Variants in ADAMTSL1 observed in about 807,000 individuals in gnomAD.
ADAMTSL1 encodes the protein ADAMTS like 1.
ADAMTSL1 carries 126 observed loss-of-function variants against 201.8 expected under a neutral mutation model. The ratio of observed to expected loss-of-function variants is 0.62; its 90% CI spans 0.54 to 0.72. The LOEUF (loss-of-function observed/expected upper bound fraction) is 0.72, where lower values mean the gene tolerates loss of function less well. Ranked by LOEUF, ADAMTSL1 falls within the 30% of genes least tolerant of loss-of-function variation. The probability of loss-of-function intolerance (pLI) is 0.00; values close to 1 mark genes in which losing one functional copy is unlikely to be tolerated. For missense variants in ADAMTSL1, 2,679 were observed against 2,277.8 expected (o/e 1.18, Z -3.59); for synonymous variants, 1,121 against 903.4 (o/e 1.24, Z -4.32).
At chr9:18,587,482 T>C (rs1029880504) in intron 4 of ADAMTSL1, among the ~76,000 whole-genome samples, 2 of 152,222 alleles carry the variant, frequency 1.3e-5, no homozygotes, top group Non-Finnish European at 2.9e-5. Flanking sequence ...CTTTTCTTTG[T>C]ATGGGGAGCA....
At chr9:18,720,956 T>C (rs1388782030) in intron 14 of ADAMTSL1, among the ~76,000 whole-genome samples, 1 of 152,088 alleles carries the variant, frequency 6.6e-6, no homozygotes, top group Non-Finnish European at 1.5e-5. Context: ...TTATTATGCA[T>C]CTTATTCTCC....
chr9:18,530,593 T>G (rs1248257494), intron 2 of ADAMTSL1, among the ~76,000 whole-genome samples: 3 of 152,218 alleles, frequency 2.0e-5, no homozygotes, highest in Non-Finnish European at 2.9e-5. Flanking sequence ...AATCTTCTTG[T>G]GCCTCTATGC....
Position 18,536,576 on chromosome 9 carries a change from C to G in ADAMTSL1, c.237+3284C>G, listed in dbSNP as rs1023066135. Among the ~76,000 whole-genome samples, 6 of 151,830 alleles carry G rather than the reference C, an allele frequency of 4.0e-5. No individual in the cohort carries two copies. In the East Asian group the frequency reaches 9.7e-4, roughly 25 times the overall value. On this transcript the variant is annotated intron_variant, in intron 3 of 28. Transcript: ENST00000380548. ...TTGCATAGTTCTCATAGTCATGGTA[C>G]TTTCTTACTTTCTGTGTAGCTGGTT...
intron 1 of ADAMTSL1, among the ~76,000 whole-genome samples, chr9:17,966,239 T>C (rs957808532): frequency 2.0e-5 from 3 of 152,150 alleles, no homozygotes; most frequent in Non-Finnish European, 2.9e-5. Context: ...AGAGAAGAAA[T>C]AAGTAAGTAT....
At chr9:18,663,678 A>G (rs1321838905) in intron 9 of ADAMTSL1, among the ~76,000 whole-genome samples, 1 of 152,068 alleles carries the variant, frequency 6.6e-6, no homozygotes, top group Non-Finnish European at 1.5e-5. Flanking sequence ...AGGAGAAATG[A>G]CAATTTCACT....
chr9:18,725,197 T>C (rs185519886), intron 15 of ADAMTSL1, among the ~76,000 whole-genome samples: 2,816 of 152,256 alleles, frequency 0.018, 35 homozygotes, highest in Non-Finnish European at 0.031. Context: ...TGAGCCAACG[T>C]GCCCGGCCAG....
chr9:18,039,813 G>T (rs904466438), intron 1 of ADAMTSL1, among the ~76,000 whole-genome samples: 1 of 152,128 alleles, frequency 6.6e-6, no homozygotes, highest in Non-Finnish European at 1.5e-5. Context: ...TTATTATTTA[G>T]TCAAGGTAAG....
chr9:18,707,132 C>A (rs1015077698), intron 14 of ADAMTSL1, 84 bp downstream of exon 14: 3 of 1,480,628 alleles, frequency 2.0e-6, no homozygotes, highest in Admixed American at 2.1e-5. Context: ...ATGTGACTGC[C>A]TCAAATCCAA....
At chr9:18,523,648 C>CTTTCT (rs1371255788) in intron 2 of ADAMTSL1, among the ~76,000 whole-genome samples, 2 of 149,634 alleles carry the variant, frequency 1.3e-5, no homozygotes, top group Non-Finnish European at 3.0e-5. Context: ...CCAGTTTCAG[C>CTTTCT]TTTCTACATA....
At chr9:18,822,640 A>G (rs931275463) in intron 21 of ADAMTSL1, among the ~76,000 whole-genome samples, 2 of 152,190 alleles carry the variant, frequency 1.3e-5, no homozygotes, top group African/African-American at 4.8e-5. Flanking sequence ...AGGCATCCAA[A>G]CAAATGTGAC....
intron 2 of ADAMTSL1, among the ~76,000 whole-genome samples, chr9:18,302,377 G>A (rs2132735837): frequency 6.6e-6 from 1 of 152,284 alleles, no homozygotes; most frequent in Non-Finnish European, 1.5e-5. Context: ...GAAAGTATGT[G>A]TTATACCTTC....
intron 14 of ADAMTSL1, among the ~76,000 whole-genome samples, chr9:18,707,643 G>A (rs1007007770): frequency 2.0e-5 from 3 of 152,236 alleles, no homozygotes; most frequent in Non-Finnish European, 4.4e-5. Context: ...TACAGCTGGT[G>A]AGCGACAGAG....
At chr9:18,102,431 C>T (rs1368736002) in intron 1 of ADAMTSL1, among the ~76,000 whole-genome samples, 2 of 152,116 alleles carry the variant, frequency 1.3e-5, no homozygotes, top group South Asian at 2.1e-4. Flanking sequence ...GAATTATATA[C>T]AAATATGACA....
At chr9:18,079,058 G>A (rs1003238235) in intron 1 of ADAMTSL1, among the ~76,000 whole-genome samples, 2 of 152,120 alleles carry the variant, frequency 1.3e-5, no homozygotes, top group African/African-American at 4.8e-5. Context: ...TGTACTGAAC[G>A]CTGAGTGGCC....
chr9:17,967,879 G>C (rs896951105), intron 1 of ADAMTSL1, among the ~76,000 whole-genome samples: 3 of 151,836 alleles, frequency 2.0e-5, no homozygotes, highest in Non-Finnish European at 4.4e-5. Context: ...ATTCACACTG[G>C]GATCATGAAA....
intron 2 of ADAMTSL1, among the ~76,000 whole-genome samples, chr9:18,530,145 T>C (rs1819350512): frequency 6.6e-6 from 1 of 152,174 alleles, no homozygotes; most frequent in South Asian, 2.1e-4. Context: ...TGAACAGAGC[T>C]TTTGTACATT....
chr9:18,175,633 ACTT>A (rs1329892994), intron 2 of ADAMTSL1, among the ~76,000 whole-genome samples: 1 of 152,020 alleles, frequency 6.6e-6, no homozygotes, highest in Non-Finnish European at 1.5e-5. Context: ...TGCTCACAGG[ACTT>A]CTTCTGCCTG....
At chr9:18,748,767 G>C (rs1029760684) in intron 15 of ADAMTSL1, among the ~76,000 whole-genome samples, 2 of 152,154 alleles carry the variant, frequency 1.3e-5, no homozygotes, top group Non-Finnish European at 2.9e-5. Flanking sequence ...CTGAGGTTCT[G>C]GTCGTGTATT....
chr9:18,421,251 A>G (rs533129457), intron 2 of ADAMTSL1, among the ~76,000 whole-genome samples: 2 of 152,316 alleles, frequency 1.3e-5, no homozygotes, highest in East Asian at 3.9e-4. Context: ...GTAATATCCC[A>G]TTGGTAAATA....
Sources: gnomAD v4.1 joint callset for allele counts (sites outside exome capture counted in the v4.1 genomes callset) on GRCh38, gnomAD v4.1.1 for gene constraint, MANE v1.5 for transcripts, NCBI Gene and HGNC (gene_info 2026-07-23, HGNC 2026-07-21) for gene names.